CYTH3: variants seen among roughly 807,000 people sequenced by gnomAD.
The protein encoded by CYTH3 is cytohesin 3, also known as cytohesin-3.
Under a neutral mutation model 55.1 loss-of-function variants are expected in CYTH3, and 23 were observed. The ratio of observed to expected loss-of-function variants is 0.42; its 90% CI spans 0.30 to 0.59. CYTH3 has a LOEUF of 0.59. Ranked by LOEUF, CYTH3 falls within the 20% of genes least tolerant of loss-of-function variation. The pLI is 0.20. For synonymous variants in CYTH3, 249 were observed against 194.9 expected (o/e 1.28, Z -2.31); for missense variants, 413 against 524.8 (o/e 0.79, Z 2.08).
rs1248617789 is a variant in CYTH3 at position 6,187,068 on chromosome 7, G to A, written c.231C>T (p.Phe77=). 1 of 1,614,152 alleles carries A rather than the reference G, an allele frequency of 6.2e-7. No individual in the cohort carries two copies. The highest frequency in any genetic ancestry group is 1.7e-5 in the Admixed American group (1 of 60,014). Residue 77 remains phenylalanine, a synonymous_variant, in exon 4 of 13, where the codon TTC becomes TTT. Coordinates refer to ENST00000350796, the MANE Select transcript of CYTH3 (RefSeq NM_004227.4). ...NKQIAMGRKK[F]NMDPKKGIQF... ...CTCTTACCTTTTTGGGATCCATGTT[G>A]AATTTCTTTCTTCCCATGGCTATCT...
intron 1 of CYTH3, among the ~76,000 whole-genome samples, chr7:6,262,015 T>TA (rs35855865): frequency 0.052 from 7,947 of 151,988 alleles, 292 homozygotes; most frequent in Non-Finnish European, 0.075. Context: ...TTGGAATCTT[T>TA]AAAAAAAATC....
intron 1 of CYTH3, among the ~76,000 whole-genome samples, chr7:6,253,876 C>T (rs975925249): frequency 4.0e-5 from 6 of 151,066 alleles, no homozygotes; most frequent in Non-Finnish European, 8.8e-5. Flanking sequence ...ACCTGTAATC[C>T]CAACTACTCG....
chr7:6,175,369 C>T (rs2128539267), intron 5 of CYTH3, among the ~76,000 whole-genome samples: 1 of 152,216 alleles, frequency 6.6e-6, no homozygotes, highest in East Asian at 1.9e-4. Flanking sequence ...TACTTTTACC[C>T]AGCACCATTT....
intron 1 of CYTH3, among the ~76,000 whole-genome samples, chr7:6,255,252 G>C (rs1583200578): frequency 6.6e-6 from 1 of 152,148 alleles, no homozygotes; most frequent in African/African-American, 2.4e-5. Context: ...ACACCAATCA[G>C]GCTCAAATGT....
chr7:6,185,542 T>A (rs1326948044), intron 4 of CYTH3, among the ~76,000 whole-genome samples: 4 of 150,878 alleles, frequency 2.7e-5, no homozygotes, highest in Non-Finnish European at 4.4e-5. Context: ...TAAAAAAAAA[T>A]ACAAAAAATT....
At chr7:6,196,150 C>A (rs1562891168) in intron 1 of CYTH3, among the ~76,000 whole-genome samples, 1 of 152,170 alleles carries the variant, frequency 6.6e-6, no homozygotes, top group African/African-American at 2.4e-5. Flanking sequence ...CCCATAAAGT[C>A]TATGCTCTAT....
chr7:6,184,750 G>C (rs557487088), intron 4 of CYTH3, among the ~76,000 whole-genome samples: 1 of 152,002 alleles, frequency 6.6e-6, no homozygotes, highest in Non-Finnish European at 1.5e-5. Flanking sequence ...AGCTAATTTT[G>C]TATTTTTAGT....
intron 4 of CYTH3, among the ~76,000 whole-genome samples, chr7:6,181,620 C>G (rs1235744723): frequency 1.3e-5 from 2 of 152,266 alleles, no homozygotes; most frequent in Non-Finnish European, 2.9e-5. Flanking sequence ...TTTTATCCTG[C>G]TTGGCATTTG....
intron 1 of CYTH3, among the ~76,000 whole-genome samples, chr7:6,206,672 G>A (rs1288816708): frequency 6.6e-6 from 1 of 152,156 alleles, no homozygotes; most frequent in African/African-American, 2.4e-5. Context: ...AACAGAAGAA[G>A]GGAAGAATTT....
At chr7:6,187,496 T>C (rs1323283500) in intron 3 of CYTH3, among the ~76,000 whole-genome samples, 161 bp downstream of exon 3, 1 of 152,132 alleles carries the variant, frequency 6.6e-6, no homozygotes. Flanking sequence ...GAAACACCCC[T>C]GGACCCCTCC....
chr7:6,214,204 A>G (rs1471896967), intron 1 of CYTH3, among the ~76,000 whole-genome samples: 1 of 152,236 alleles, frequency 6.6e-6, no homozygotes, highest in Non-Finnish European at 1.5e-5. Context: ...AAGCACACAC[A>G]GTGAAAGGTT....
intron 5 of CYTH3, among the ~76,000 whole-genome samples, chr7:6,175,427 T>C (rs1458554626): frequency 6.6e-6 from 1 of 152,212 alleles, no homozygotes; most frequent in Admixed American, 6.5e-5. Context: ...TGGTACCTGG[T>C]TGAAAAATTA....
Position 6,245,752 on chromosome 7 carries a change from A to G in CYTH3, c.34+26722T>C, listed in dbSNP as rs190013286. 8.5e-5 allele frequency among the ~76,000 whole-genome samples: 13 copies of G among 152,286 alleles called. No individual in the cohort carries two copies. The East Asian group carries it at 2.1e-3, about 25-fold the overall frequency. ...AAACCCCGTCTCTACTAAAAGTACA[A>G]AAGTAGCCAGCCATGGTAGTGCACG... On this transcript the variant is annotated intron_variant, in intron 1 of 12. Coordinates refer to ENST00000350796, the MANE Select transcript of CYTH3 (RefSeq NM_004227.4).
rs891737776 is a variant in CYTH3 at position 6,169,846 on chromosome 7, G to C, written c.823+689C>G. Among the ~76,000 whole-genome samples the C allele has an allele frequency of 6.6e-6, 1 of 152,108 alleles. No homozygotes were observed. The highest frequency in any genetic ancestry group is 1.5e-5 in the Non-Finnish European group (1 of 68,020). On this transcript the variant is annotated intron_variant, in intron 9 of 12. Transcript: ENST00000350796. The surrounding 1 kb of genome is among the most constrained non-coding windows in gnomAD (Gnocchi z 4.1). ...CTGCGGACCCCTAGAGACACAGGGTGGGGGGCAAGTTGGTTCCCACACAGC... is the reference window on the plus strand; with the variant it reads ...CTGCGGACCCCTAGAGACACAGGGTCGGGGGCAAGTTGGTTCCCACACAGC...
intron 1 of CYTH3, among the ~76,000 whole-genome samples, chr7:6,258,532 T>C (rs1183838262): frequency 6.6e-6 from 1 of 152,154 alleles, no homozygotes; most frequent in Admixed American, 6.6e-5. Context: ...TCCTCTTCCC[T>C]GATGGGTAAA....
At chr7:6,172,465 G>C (rs1370046898) in intron 6 of CYTH3, among the ~76,000 whole-genome samples, 1 of 152,050 alleles carries the variant, frequency 6.6e-6, no homozygotes, top group Non-Finnish European at 1.5e-5. Context: ...TGCGTCTCGA[G>C]TCAGCCCGCA....
chr7:6,198,685 A>T (rs1042984598), intron 1 of CYTH3, among the ~76,000 whole-genome samples: 1 of 152,124 alleles, frequency 6.6e-6, no homozygotes, highest in Non-Finnish European at 1.5e-5. Context: ...TTTTGAATGG[A>T]TAAAGTAATA....
At chr7:6,261,129 G>A (rs1168938437) in intron 1 of CYTH3, among the ~76,000 whole-genome samples, 1 of 152,182 alleles carries the variant, frequency 6.6e-6, no homozygotes, top group African/African-American at 2.4e-5. Context: ...AGGGAAAAGG[G>A]GAGTGCAGAA....
At chr7:6,272,072 G>C (rs1428985921) in intron 1 of CYTH3, among the ~76,000 whole-genome samples, 2 of 152,166 alleles carry the variant, frequency 1.3e-5, no homozygotes, top group African/African-American at 2.4e-5. Flanking sequence ...CCGCCCACCT[G>C]AGCTGAAAGG....
Sources: allele counts gnomAD v4.1 joint callset (sites outside exome capture counted in the v4.1 genomes callset), GRCh38; gene constraint gnomAD v4.1.1; non-coding constraint Gnocchi (gnomAD v3.1); transcripts MANE v1.5; gene names NCBI Gene and HGNC (gene_info 2026-07-23, HGNC 2026-07-21).